The following IQCM variants were observed in gnomAD, a reference collection of about 807,000 sequenced individuals.
IQCM encodes the protein IQ motif containing M, also known as IQ domain-containing protein M.
In IQCM, 45 loss-of-function variants were observed where a neutral mutation model predicts 57.6. That is an observed-to-expected ratio of 0.78 (90% CI 0.62 to 1.00). The LOEUF is 1.00. IQCM is among the 50% of genes least tolerant of loss of function. IQCM has a pLI of 0.00. For missense variants in IQCM, 468 were observed against 511.6 expected (o/e 0.91, Z 0.82); for synonymous variants, 148 against 158.9 (o/e 0.93, Z 0.51).
In IQCM at chr4:149,388,774, T is replaced by TACAC. The variant is rs200786025; in HGVS notation, c.1391-36712_1391-36709dup. Among the ~76,000 whole-genome samples the TACAC allele has an allele frequency of 2.8e-5, 4 of 144,822 alleles. No individual in the cohort carries two copies. The East Asian group carries it at 6.1e-4, about 22-fold the overall frequency. On this transcript the variant is annotated intron_variant, in intron 13 of 13. Coordinates refer to ENST00000636793, the MANE Select transcript of IQCM (RefSeq NM_001363507.2). ...ATAATATATATATGACATATATATA[T>TACAC]ACACACACACACACACATATAATCA... is the stretch of plus-strand genomic sequence containing the variant.
chr4:149,798,581 T>C (rs897862488), intron 2 of IQCM, among the ~76,000 whole-genome samples: 14 of 151,854 alleles, frequency 9.2e-5, no homozygotes, highest in African/African-American at 3.4e-4. Context: ...TAAGACCCAT[T>C]ATCTGTTGCC....
chr4:149,358,813 A>C (rs1729202192), intron 13 of IQCM, among the ~76,000 whole-genome samples: 1 of 80,906 alleles, frequency 1.2e-5, no homozygotes. Context: ...ATCCACCCAA[A>C]AGAGGGAGTG....
chr4:149,508,581 G>T (rs1744073239), intron 12 of IQCM, among the ~76,000 whole-genome samples: 1 of 152,216 alleles, frequency 6.6e-6, no homozygotes, highest in African/African-American at 2.4e-5. Context: ...TGCAATGGTT[G>T]TATTTACCCA....
intron 2 of IQCM, among the ~76,000 whole-genome samples, chr4:149,811,478 C>T (rs977255802): frequency 1.3e-5 from 2 of 152,056 alleles, no homozygotes; most frequent in African/African-American, 2.4e-5. Flanking sequence ...AATACAAAAC[C>T]ATTTCAGCAC....
At chr4:149,619,106 G>GTATATA (rs1561067198) in intron 8 of IQCM, among the ~76,000 whole-genome samples, 1 of 60,788 alleles carries the variant, frequency 1.6e-5, no homozygotes, top group Non-Finnish European at 3.1e-5. Flanking sequence ...AATGTGGGAT[G>GTATATA]GATATATATA....
intron 5 of IQCM, among the ~76,000 whole-genome samples, chr4:149,689,949 C>T (rs1467735768): frequency 6.6e-6 from 1 of 152,094 alleles, no homozygotes; most frequent in Non-Finnish European, 1.5e-5. Context: ...GGGAACACTT[C>T]TACACTGCTG....
At chr4:149,615,556 A>T (rs2150062720) in intron 8 of IQCM, among the ~76,000 whole-genome samples, 1 of 152,314 alleles carries the variant, frequency 6.6e-6, no homozygotes, top group African/African-American at 2.4e-5. Context: ...GAAACGTTTA[A>T]AGCATAAAGA....
chr4:149,418,594 G>A (rs1196946676), intron 13 of IQCM, among the ~76,000 whole-genome samples: 1 of 152,036 alleles, frequency 6.6e-6, no homozygotes, highest in Non-Finnish European at 1.5e-5. Flanking sequence ...ATTCTATGAG[G>A]CCAGCATCAT....
intron 13 of IQCM, among the ~76,000 whole-genome samples, chr4:149,379,904 A>T (rs1215186305): frequency 6.6e-6 from 1 of 152,134 alleles, no homozygotes; most frequent in Non-Finnish European, 1.5e-5. Context: ...GGAGGGACCA[A>T]GTGGGAGACA....
At position 149,624,172 on chromosome 4, in the gene IQCM, G is replaced by A. The variant is rs538633948; in HGVS notation, c.566-2928C>T. ...AGTGTGTGTGTGTGTGTGTGTGTGC[G>A]CGCGCATGCATGTGCTCCTGGATTA... On this transcript the variant is annotated intron_variant, in intron 7 of 13. Transcript: ENST00000636793. 3.1e-3 allele frequency among the ~76,000 whole-genome samples: 474 copies of A among 151,946 alleles called. 4 individuals are homozygous for A. Among genetic ancestry groups the A allele is most frequent in the African/African-American group, 9.2e-3 (382 of 41,422 alleles).
rs1303327293 is a variant in IQCM, at chr4:149,700,217, GT to G, written c.386-13750del. 2.0e-5 allele frequency among the ~76,000 whole-genome samples: 3 copies of G among 152,004 alleles called. No individual in the cohort carries two copies. In the East Asian group the frequency reaches 5.8e-4, roughly 29 times the overall value. Reference sequence around the variant, plus strand: ...AGATTTTAAAACTTAATCTAAGCAGGTCTGACATACTCCTTTCCTTCACAGA... The same window carrying G: ...AGATTTTAAAACTTAATCTAAGCAGGCTGACATACTCCTTTCCTTCACAGA... On this transcript the variant is annotated intron_variant, in intron 5 of 13. Transcript: ENST00000636793.
chr4:149,563,562 GACA>G (rs1237533723), intron 10 of IQCM, 127 bp downstream of exon 10: 7 of 593,616 alleles, frequency 1.2e-5, no homozygotes, highest in Non-Finnish European at 1.7e-5. Flanking sequence ...CTCCAGCCTG[GACA>G]ACAACAGCAA....
In IQCM at chr4:149,461,964, G is replaced by A. The variant is rs369574859; in HGVS notation, c.1229-28407C>T. On this transcript the variant is annotated intron_variant, in intron 12 of 13. Coordinates refer to ENST00000636793, the MANE Select transcript of IQCM (RefSeq NM_001363507.2). ...ATTAGTCTTAACAGTACTGGTCTGT[G>A]GCCTGGGGGTTGGGGTCCCCTATCC... is the stretch of plus-strand genomic sequence containing the variant. 4.6e-5 allele frequency among the ~76,000 whole-genome samples: 7 copies of A among 152,160 alleles called. No homozygotes were observed. The South Asian group carries it at 1.2e-3, about 27-fold the overall frequency.
At chr4:149,578,549 G>T (rs1298853662) in intron 9 of IQCM, among the ~76,000 whole-genome samples, 2 of 151,678 alleles carry the variant, frequency 1.3e-5, no homozygotes, top group African/African-American at 2.4e-5. Flanking sequence ...GGATACTTCT[G>T]CTCCCAATCC....
At chr4:149,444,414 T>C (rs973504747) in intron 12 of IQCM, among the ~76,000 whole-genome samples, 2 of 151,936 alleles carry the variant, frequency 1.3e-5, no homozygotes, top group Admixed American at 6.6e-5. Flanking sequence ...TAGTAAACAG[T>C]AAATCCCTCT....
chr4:149,811,265 T>A (rs1774542010), intron 2 of IQCM, among the ~76,000 whole-genome samples: 1 of 152,146 alleles, frequency 6.6e-6, no homozygotes, highest in Non-Finnish European at 1.5e-5. Flanking sequence ...TTTCTTTCCA[T>A]CAACAGAGTT....
chr4:149,796,424 T>C (rs1054335845), intron 2 of IQCM, among the ~76,000 whole-genome samples: 21 of 152,032 alleles, frequency 1.4e-4, no homozygotes, highest in African/African-American at 4.6e-4. Flanking sequence ...ACTTCTAAGG[T>C]TTTTGACTGT....
Position 149,567,745 on chromosome 4 carries a change from A to T in IQCM, c.750-3855T>A, listed in dbSNP as rs1750768235. On this transcript the variant is annotated intron_variant, in intron 9 of 13. Coordinates refer to ENST00000636793, the MANE Select transcript of IQCM (RefSeq NM_001363507.2). ...AGATGGCTTCAGGATCATACCAAAG[A>T]TTTTCTTCTTCACTATATAAAAGGA... 3.9e-5 allele frequency among the ~76,000 whole-genome samples: 6 copies of T among 152,122 alleles called. No individual in the cohort carries two copies. The South Asian group carries it at 1.2e-3, about 32-fold the overall frequency.
At chr4:149,679,956 TAA>T (rs1762061078) in intron 7 of IQCM, among the ~76,000 whole-genome samples, 3 of 151,378 alleles carry the variant, frequency 2.0e-5, no homozygotes, top group African/African-American at 7.3e-5. Context: ...GGACCACTCT[TAA>T]ATTATTCCAA....
Sources: allele counts gnomAD v4.1 joint callset (sites outside exome capture counted in the v4.1 genomes callset), GRCh38; gene constraint gnomAD v4.1.1; transcripts MANE v1.5; gene names NCBI Gene and HGNC (gene_info 2026-07-23, HGNC 2026-07-21).